The following MCPH1 variants were observed in gnomAD, a reference collection of about 807,000 sequenced individuals.
MCPH1 encodes microcephalin.
In MCPH1, 104 loss-of-function variants were observed where a neutral mutation model predicts 84.5. The observed-to-expected ratio is 1.23, with a 90% CI of 1.05 to 1.45. The LOEUF is 1.45. Among genes scored for constraint, MCPH1 ranks in the 40% most tolerant of loss-of-function variants. The pLI, the probability that MCPH1 is intolerant of heterozygous loss-of-function variation, is 0.00. For synonymous variants in MCPH1, 514 were observed against 366.8 expected, an observed-to-expected ratio of 1.40 and a Z score of -4.58; for missense variants, 1,498 against 1,005.7, an observed-to-expected ratio of 1.49 and a Z score of -6.62.
intron 9 of MCPH1, 76 bp from the exon 10 acceptor site, chr8:6,477,518 T>G: frequency 3.7e-6 from 5 of 1,338,014 alleles, no homozygotes; most frequent in Non-Finnish European, 5.3e-6. Context: ...AAAAACTTAT[T>G]ACAGTTTATT....
intron 2 of MCPH1, among the ~76,000 whole-genome samples, chr8:6,413,775 G>A (rs192987075): frequency 2.7e-5 from 4 of 147,218 alleles, no homozygotes; most frequent in Non-Finnish European, 5.9e-5. Flanking sequence ...TTTTTTTGGA[G>A]ATGGAGTCTT....
intron 12 of MCPH1, among the ~76,000 whole-genome samples, chr8:6,568,943 GC>G (rs997059205): frequency 6.6e-6 from 1 of 152,198 alleles, no homozygotes; most frequent in African/African-American, 2.4e-5. Flanking sequence ...AAAAAATGAA[GC>G]TGGGACACTA....
chr8:6,640,059 CGTGTGTGTGTGTGTGTGT>C (rs147642349), intron 13 of MCPH1, among the ~76,000 whole-genome samples: 4 of 134,284 alleles, frequency 3.0e-5, no homozygotes, highest in East Asian at 4.6e-4. Context: ...ATTTTAAACT[CGTGTGTGTGTGTGTGTGT>C]GTGTGTGTGT....
At chr8:6,409,214 A>G (rs1482705311) in intron 1 of MCPH1, 65 bp from the exon 2 acceptor site, 10 of 1,351,904 alleles carry the variant, frequency 7.4e-6, no homozygotes, top group East Asian at 4.6e-5. Flanking sequence ...AAATAGAACA[A>G]AATCTATTGG....
intron 12 of MCPH1, among the ~76,000 whole-genome samples, chr8:6,524,128 A>G (rs991535221): frequency 1.3e-5 from 2 of 152,188 alleles, no homozygotes; most frequent in African/African-American, 2.4e-5. Flanking sequence ...TTTCCTTCCA[A>G]TATAAAGTTT....
intron 1 of MCPH1, among the ~76,000 whole-genome samples, chr8:6,408,664 A>G (rs1240234274): frequency 6.6e-6 from 1 of 150,454 alleles, no homozygotes; most frequent in East Asian, 2.0e-4. Context: ...TCTCCACCCT[A>G]CCCACCCCCA....
intron 13 of MCPH1, among the ~76,000 whole-genome samples, chr8:6,640,077 T>TGG (rs1797833100): frequency 6.9e-6 from 1 of 144,144 alleles, no homozygotes; most frequent in Admixed American, 6.9e-5. Context: ...TGTGTGTGTG[T>TGG]GTGTGTGTGT....
At chr8:6,502,768 G>T (rs76020419) in intron 12 of MCPH1, 8,500 of 316,274 alleles carry the variant, frequency 0.027, 149 homozygotes, top group Non-Finnish European at 0.035. Context: ...CTGTTTTCCA[G>T]TTATTTACTG....
chr8:6,565,381 G>A (rs74579561), intron 12 of MCPH1, among the ~76,000 whole-genome samples: 2,572 of 152,262 alleles, frequency 0.017, 37 homozygotes, highest in Admixed American at 0.031. Context: ...GTTTGAAAAA[G>A]CATATTGTAA....
chr8:6,419,721 C>G (rs1199636718), intron 3 of MCPH1, among the ~76,000 whole-genome samples: 1 of 151,970 alleles, frequency 6.6e-6, no homozygotes, highest in Non-Finnish European at 1.5e-5. Flanking sequence ...CTATGTAGGC[C>G]AGGCTGGGCT....
At chr8:6,636,550 G>C (rs1438740589) in intron 13 of MCPH1, among the ~76,000 whole-genome samples, 1 of 152,106 alleles carries the variant, frequency 6.6e-6, no homozygotes, top group African/African-American at 2.4e-5. Flanking sequence ...TGCGATCATA[G>C]CTCATTGCAG....
chr8:6,542,208 G>T (rs557003989), intron 12 of MCPH1, among the ~76,000 whole-genome samples: 1 of 152,080 alleles, frequency 6.6e-6, no homozygotes, highest in African/African-American at 2.4e-5. Flanking sequence ...AAATGTCTCA[G>T]TGTTTTTCTA....
chr8:6,492,038 T>C (rs1377090421), intron 11 of MCPH1, among the ~76,000 whole-genome samples: 1 of 152,234 alleles, frequency 6.6e-6, no homozygotes, highest in African/African-American at 2.4e-5. Context: ...TCTAGATCCC[T>C]GAGGAATCGC....
chr8:6,465,128 C>T (rs554333385), intron 9 of MCPH1, among the ~76,000 whole-genome samples: 7 of 152,232 alleles, frequency 4.6e-5, no homozygotes, highest in Admixed American at 6.5e-5. Flanking sequence ...GCACCGTTTG[C>T]GGGGAGTCAG....
intron 12 of MCPH1, among the ~76,000 whole-genome samples, chr8:6,594,633 T>C (rs1007440733): frequency 1.3e-5 from 2 of 152,184 alleles, no homozygotes; most frequent in Non-Finnish European, 2.9e-5. Flanking sequence ...TGGCCTTTTT[T>C]CTGGAGAAGA....
chr8:6,526,282 A>T (rs76544592), intron 12 of MCPH1, among the ~76,000 whole-genome samples: 30 of 142,838 alleles, frequency 2.1e-4, no homozygotes, highest in African/African-American at 8.0e-4. Flanking sequence ...AAAAAAAAAA[A>T]AAATCAGCTG....
Position 6,411,348 on chromosome 8 carries a change from A to T in MCPH1, c.114+1978A>T, listed in dbSNP as rs565330650. Among the ~76,000 whole-genome samples, 54 of 152,342 alleles carry T rather than the reference A, an allele frequency of 3.5e-4. 1 individual carries two copies. In the South Asian group the frequency reaches 0.01, roughly 29 times the overall value. ...GCATTTAGTAGTATGACTTGCAGCT[A>T]TATAGAAATAAATAAATAAATAACA... On this transcript the variant is annotated intron_variant, in intron 2 of 13. Transcript: ENST00000344683.
At chr8:6,477,705 C>T (rs1586006179) in intron 10 of MCPH1, 74 bp downstream of exon 10, 2 of 1,157,170 alleles carry the variant, frequency 1.7e-6, no homozygotes, top group African/African-American at 1.5e-5. Flanking sequence ...TTCTGGGTGC[C>T]TTTAGGCAAC....
chr8:6,572,141 A>G (rs1826709397), intron 12 of MCPH1, among the ~76,000 whole-genome samples: 1 of 152,138 alleles, frequency 6.6e-6, no homozygotes, highest in Non-Finnish European at 1.5e-5. Context: ...TGAAGAGAGG[A>G]TGCAGTATTA....
Sources: allele counts gnomAD v4.1 joint callset (sites outside exome capture counted in the v4.1 genomes callset), GRCh38; gene constraint gnomAD v4.1.1; transcripts MANE v1.5; gene names NCBI Gene and HGNC (gene_info 2026-07-23, HGNC 2026-07-21).